The following TSPAN11 variants were observed in gnomAD, a reference collection of about 807,000 sequenced individuals.
TSPAN11 encodes the protein tetraspanin 11.
TSPAN11 carries 29 observed loss-of-function variants against 32.9 expected under a neutral mutation model. That is an observed-to-expected ratio of 0.88 (90% CI 0.66 to 1.20). The LOEUF (loss-of-function observed/expected upper bound fraction) is 1.20. Ranked by LOEUF, TSPAN11 falls within the 50% of genes most tolerant of loss-of-function variation. The pLI is 0.00. For synonymous variants in TSPAN11, 140 were observed against 141.3 expected, an observed-to-expected ratio of 0.99 and a Z score of 0.07; for missense variants, 283 against 329.1, an observed-to-expected ratio of 0.86 and a Z score of 1.08.
In TSPAN11 at chr12:30,963,077, C is replaced by G. The variant is rs74869776; in HGVS notation, c.85-749C>G. Among the ~76,000 whole-genome samples the G allele has an allele frequency of 5.3e-3, 805 of 152,060 alleles. 11 individuals carry two copies. The highest frequency in any genetic ancestry group is 0.043 in the East Asian group (218 of 5,060). ...TCTGCAAATCAGGAGGGTCCTATCC[C>G]TCCCCTCTTCTCAGGACCAAAGGGG... On this transcript the variant is annotated intron_variant, in intron 2 of 7. Transcript: ENST00000546076.
chr12:30,974,380 C>G (rs73286492), intron 3 of TSPAN11, among the ~76,000 whole-genome samples: 3 of 152,170 alleles, frequency 2.0e-5, no homozygotes, highest in Admixed American at 6.5e-5. Context: ...ATCCGGGCCT[C>G]GACCCTCTAG....
chr12:30,965,955 C>T (rs568994917), intron 3 of TSPAN11, among the ~76,000 whole-genome samples: 1 of 152,124 alleles, frequency 6.6e-6, no homozygotes, highest in East Asian at 1.9e-4. Context: ...CAGCCCAGGA[C>T]AGCTTTGAAT....
At chr12:31,010,504 A>G in the TSPAN11 span, among the ~76,000 whole-genome samples, 1 of 152,176 alleles carries the variant, frequency 6.6e-6, no homozygotes, top group East Asian at 1.9e-4. Flanking sequence ...ACTTTAAAGC[A>G]GATCTCAGGC....
chr12:30,985,326 T>C (rs570440694), intron 7 of TSPAN11, among the ~76,000 whole-genome samples: 1 of 152,176 alleles, frequency 6.6e-6, no homozygotes, highest in South Asian at 2.1e-4. Context: ...GCTGAGCAGA[T>C]AGCAGGTGTT....
chr12:30,933,941 G>A (rs1937988520), intron 1 of TSPAN11, among the ~76,000 whole-genome samples: 1 of 152,120 alleles, frequency 6.6e-6, no homozygotes, highest in South Asian at 2.1e-4. Context: ...CCTACACACA[G>A]CAGTGAACAC....
chr12:30,974,188 A>G (rs1398197367), intron 3 of TSPAN11, among the ~76,000 whole-genome samples: 1 of 152,150 alleles, frequency 6.6e-6, no homozygotes, highest in Non-Finnish European at 1.5e-5. Context: ...CATTCCTTGG[A>G]TCTTATTTTT....
Position 30,980,814 on chromosome 12 carries a change from A to G in TSPAN11, c.456+1144A>G, listed in dbSNP as rs564236811. On this transcript the variant is annotated intron_variant, in intron 5 of 7. Coordinates refer to ENST00000546076, the MANE Select transcript of TSPAN11 (RefSeq NM_001370302.1). ...CACCCCATGGGCTTAGCTCAGGACC[A>G]GGAGGAGGCAGCACACACTGCTGGC... 2.1e-3 allele frequency among the ~76,000 whole-genome samples: 325 copies of G among 152,336 alleles called. 2 individuals are homozygous for G. The highest frequency in any genetic ancestry group is 3.3e-3 in the Non-Finnish European group (226 of 68,028).
intron 1 of TSPAN11, among the ~76,000 whole-genome samples, chr12:30,947,981 C>T (rs1938303354): frequency 6.6e-6 from 1 of 152,164 alleles, no homozygotes; most frequent in African/African-American, 2.4e-5. Flanking sequence ...TGGGTAAATA[C>T]AGCCATTCCA....
At chr12:31,013,861 C>T in the TSPAN11 span, among the ~76,000 whole-genome samples, 1 of 152,170 alleles carries the variant, frequency 6.6e-6, no homozygotes, top group Non-Finnish European at 1.5e-5. Context: ...TACATGCAGC[C>T]ACTCAGCATT....
At position 30,931,879 on chromosome 12, in the gene TSPAN11, C is replaced by CAAAAAAA. The variant is rs58500177; in HGVS notation, c.-12+5097_-12+5103dup. On this transcript the variant is annotated intron_variant, in intron 1 of 7. Transcript: ENST00000546076. ...TGGGCGACAGAGTGAGACGCTGTATCAAAAAAAAAAAAAAAAAAAAGAGTC... is the reference window on the plus strand; with the variant it reads ...TGGGCGACAGAGTGAGACGCTGTATCAAAAAAAAAAAAAAAAAAAAAAAAAAAGAGTC... Among the ~76,000 whole-genome samples, 79 of 60,858 alleles carry CAAAAAAA rather than the reference C, an allele frequency of 1.3e-3. 9 individuals carry two copies. Among genetic ancestry groups the CAAAAAAA allele is most frequent in the African/African-American group, 2.9e-3 (47 of 15,962 alleles). 39.9% of individuals were successfully genotyped at this position (60,858 alleles called of 152,430 possible).
chr12:31,002,532 T>C, the TSPAN11 span, among the ~76,000 whole-genome samples: 4 of 152,086 alleles, frequency 2.6e-5, no homozygotes, highest in Non-Finnish European at 5.9e-5. The surrounding 1 kb of genome is among the most constrained non-coding windows in gnomAD (Gnocchi z 4.8). Context: ...AGTAGGGCAG[T>C]GGGATGCCTC....
intron 1 of TSPAN11, among the ~76,000 whole-genome samples, chr12:30,947,338 G>A (rs1233698439): frequency 6.6e-6 from 1 of 152,222 alleles, no homozygotes; most frequent in Non-Finnish European, 1.5e-5. Context: ...GCAGAGCTAA[G>A]TGGGTTTTGG....
intron 1 of TSPAN11, among the ~76,000 whole-genome samples, chr12:30,931,705 C>T (rs1327448611): frequency 2.0e-5 from 3 of 151,704 alleles, no homozygotes; most frequent in East Asian, 1.9e-4. Flanking sequence ...CATGGTGAAA[C>T]CCCGTCTCTA....
intron 4 of TSPAN11, 36 bp downstream of exon 4, chr12:30,978,671 G>A: frequency 6.2e-7 from 1 of 1,606,272 alleles, no homozygotes. Context: ...TCCTCTGTCA[G>A]TGTCCTGAAG....
intron 1 of TSPAN11, among the ~76,000 whole-genome samples, chr12:30,931,605 C>T (rs188972323): frequency 1.7e-3 from 252 of 152,212 alleles, no homozygotes; most frequent in African/African-American, 5.4e-3. Context: ...CCTGGCTGGG[C>T]GCGGTGGCTC....
chr12:30,928,152 C>G (rs1045601111), intron 1 of TSPAN11, among the ~76,000 whole-genome samples: 2 of 152,136 alleles, frequency 1.3e-5, no homozygotes, highest in Admixed American at 1.3e-4. Context: ...GTGTGATTCC[C>G]CATAGTTCTT....
the TSPAN11 span, among the ~76,000 whole-genome samples, chr12:31,005,108 G>T: frequency 1.3e-5 from 2 of 152,124 alleles, no homozygotes; most frequent in African/African-American, 4.8e-5. Flanking sequence ...ACTGAATGGG[G>T]GTCCTGTATT....
chr12:30,950,984 T>G lies in TSPAN11; in HGVS notation c.-11-2997T>G, dbSNP rs183876258. 1.8e-3 allele frequency among the ~76,000 whole-genome samples: 273 copies of G among 152,306 alleles called. 2 individuals are homozygous for G. The highest frequency in any genetic ancestry group is 1.0e-3 in the Non-Finnish European group (70 of 68,020). On this transcript the variant is annotated intron_variant, in intron 1 of 7. Transcript: ENST00000546076. ...ATCTACAAAATATATGAAGCAAAAA[T>G]TAACAGTATTAAGTGAGGGATAAAT...
At chr12:30,954,448 A>C in intron 2 of TSPAN11, 1 of 237,540 alleles carries the variant, frequency 4.2e-6, no homozygotes, top group Non-Finnish European at 8.3e-6. Flanking sequence ...TTCCACTGAA[A>C]TCCATTCACC....
Sources: gnomAD v4.1 joint callset for allele counts (sites outside exome capture counted in the v4.1 genomes callset) on GRCh38, gnomAD v4.1.1 for gene constraint, Gnocchi (gnomAD v3.1) non-coding constraint, MANE v1.5 for transcripts, NCBI Gene and HGNC (gene_info 2026-07-23, HGNC 2026-07-21) for gene names.